Variants in ZNF385D observed in about 807,000 individuals in gnomAD.
ZNF385D encodes zinc finger protein 385D.
A neutral mutation model predicts 35.8 loss-of-function variants in ZNF385D; 15 were observed. The observed-to-expected ratio is 0.42, with a 90% CI of 0.28 to 0.64. The LOEUF is 0.64. Among genes scored for constraint, ZNF385D ranks in the 30% least tolerant of loss-of-function variants. The pLI is 0.23. For synonymous variants in ZNF385D, 212 were observed against 186.8 expected, an observed-to-expected ratio of 1.13 and a Z score of -1.10; for missense variants, 474 against 494.6, an observed-to-expected ratio of 0.96 and a Z score of 0.39.
chr3:21,980,391 G>C (rs962148645), intron 3 of ZNF385D, among the ~76,000 whole-genome samples: 19 of 152,136 alleles, frequency 1.2e-4, no homozygotes, highest in Admixed American at 3.3e-4. Flanking sequence ...ATTTTGGGGA[G>C]ATTTATTACA....
At chr3:21,733,208 C>T (rs566582866) in intron 1 of ZNF385D, among the ~76,000 whole-genome samples, 2 of 152,112 alleles carry the variant, frequency 1.3e-5, no homozygotes, top group South Asian at 4.2e-4. Context: ...TTACATCAGT[C>T]TATTTCTGAA....
intron 3 of ZNF385D, among the ~76,000 whole-genome samples, chr3:21,785,989 C>T (rs143987869): frequency 6.6e-6 from 1 of 151,394 alleles, no homozygotes; most frequent in Non-Finnish European, 1.5e-5. Flanking sequence ...AAGTGTGGAG[C>T]ATGTGACTTA....
chr3:21,762,103 TC>T (rs2070643332), intron 3 of ZNF385D, among the ~76,000 whole-genome samples: 1 of 152,034 alleles, frequency 6.6e-6, no homozygotes, highest in African/African-American at 2.4e-5. Flanking sequence ...GGTCTCGATC[TC>T]CTGACCTCGT....
rs1425052785 is a variant in ZNF385D at position 21,681,302 on chromosome 3, A to G, written c.23-16274T>C. ...TATGTGAATATATTCCATCAGTAAA[A>G]AAAAAAAAAAAAAAAAAAAAAACCT... On this transcript the variant is annotated intron_variant, in intron 1 of 7. Coordinates refer to ENST00000281523, the MANE Select transcript of ZNF385D (RefSeq NM_024697.3). Among the ~76,000 whole-genome samples the G allele has an allele frequency of 7.7e-4, 110 of 142,758 alleles. 1 individual carries two copies. Among genetic ancestry groups the G allele is most frequent in the African/African-American group, 2.9e-3 (104 of 35,682 alleles). The allele number at this position is 142,758 out of a possible 152,430, so 93.7% of individuals were successfully genotyped here.
At chr3:22,225,836 G>A (rs1698521217) in intron 2 of ZNF385D, among the ~76,000 whole-genome samples, 1 of 152,180 alleles carries the variant, frequency 6.6e-6, no homozygotes, top group Non-Finnish European at 1.5e-5. Context: ...TTATACAAAT[G>A]TGATCTTGTG....
At chr3:22,183,233 C>G (rs1390725115) in intron 2 of ZNF385D, among the ~76,000 whole-genome samples, 5 of 152,236 alleles carry the variant, frequency 3.3e-5, no homozygotes, top group Non-Finnish European at 1.5e-5. Context: ...TTATTTTTCA[C>G]AGTCATCTAA....
intron 3 of ZNF385D, among the ~76,000 whole-genome samples, chr3:21,947,383 G>T (rs988669493): frequency 4.0e-5 from 6 of 148,872 alleles, no homozygotes. Context: ...ACAGAGTCTC[G>T]CTCTGTCGCC....
chr3:21,504,979 CAT>C (rs1706663587), intron 4 of ZNF385D, among the ~76,000 whole-genome samples: 1 of 152,108 alleles, frequency 6.6e-6, no homozygotes, highest in African/African-American at 2.4e-5. Flanking sequence ...ATGTGAAAAA[CAT>C]AGATCTACAA....
chr3:21,471,510 C>T (rs956942893), intron 4 of ZNF385D, among the ~76,000 whole-genome samples: 4 of 152,054 alleles, frequency 2.6e-5, no homozygotes, highest in Non-Finnish European at 5.9e-5. Flanking sequence ...AAATAAGCAA[C>T]TCATTTCTCT....
rs1553648227 is a variant in ZNF385D at position 21,737,466 on chromosome 3, TAC to T, written c.22+13427_22+13428del. On this transcript the variant is annotated intron_variant, in intron 1 of 7. Transcript: ENST00000281523. ...TGTATAAACAAGAGGGGGATATATATACACACACACACACACACACACATACA... is the reference window on the plus strand; with the variant it reads ...TGTATAAACAAGAGGGGGATATATATACACACACACACACACACACATACA... 9.0e-3 allele frequency among the ~76,000 whole-genome samples: 1,338 copies of T among 149,104 alleles called. 24 individuals carry two copies. The highest frequency in any genetic ancestry group is 0.03 in the African/African-American group (1,234 of 40,652).
chr3:22,028,363 C>A (rs569479755), intron 3 of ZNF385D, among the ~76,000 whole-genome samples: 2 of 152,188 alleles, frequency 1.3e-5, no homozygotes, highest in African/African-American at 4.8e-5. Context: ...GCCATGGTGG[C>A]AGGGATGGAG....
At chr3:21,431,542 T>G (rs79209969) in intron 5 of ZNF385D, among the ~76,000 whole-genome samples, 2,643 of 152,270 alleles carry the variant, frequency 0.017, 24 homozygotes, top group Non-Finnish European at 0.027. Context: ...GAAATGGTAC[T>G]GGCAATTAAT....
intron 3 of ZNF385D, among the ~76,000 whole-genome samples, chr3:22,100,636 A>G (rs1435735561): frequency 3.5e-5 from 5 of 141,712 alleles, no homozygotes; most frequent in African/African-American, 1.3e-4. Flanking sequence ...TTGAACAATG[A>G]GAACACATGG....
At chr3:21,996,375 T>A (rs990904685) in intron 3 of ZNF385D, among the ~76,000 whole-genome samples, 1 of 152,134 alleles carries the variant, frequency 6.6e-6, no homozygotes, top group African/African-American at 2.4e-5. Flanking sequence ...CTGCTTTATT[T>A]CCTTCATTTT....
intron 3 of ZNF385D, among the ~76,000 whole-genome samples, chr3:21,857,369 A>T (rs538841491): frequency 7.2e-5 from 11 of 152,206 alleles, no homozygotes; most frequent in African/African-American, 2.6e-4. Context: ...TGCCTAGCAC[A>T]TAGTAAGTTG....
At chr3:21,935,509 C>G (rs907175293) in intron 3 of ZNF385D, among the ~76,000 whole-genome samples, 1 of 152,156 alleles carries the variant, frequency 6.6e-6, no homozygotes, top group Non-Finnish European at 1.5e-5. Context: ...ATGCTACAGC[C>G]TCAAAACCTG....
At chr3:21,528,755 A>G (rs1000992610) in intron 3 of ZNF385D, among the ~76,000 whole-genome samples, 2 of 152,210 alleles carry the variant, frequency 1.3e-5, no homozygotes, top group Non-Finnish European at 2.9e-5. Flanking sequence ...AAACTAACAA[A>G]TACATCTACT....
At chr3:21,764,338 A>G (rs2070741389) in intron 3 of ZNF385D, among the ~76,000 whole-genome samples, 1 of 152,150 alleles carries the variant, frequency 6.6e-6, no homozygotes, top group Non-Finnish European at 1.5e-5. Context: ...ATATTTGAAA[A>G]ACCACAAAGG....
intron 3 of ZNF385D, among the ~76,000 whole-genome samples, chr3:21,943,284 G>A (rs947630405): frequency 2.0e-5 from 3 of 151,658 alleles, no homozygotes; most frequent in Non-Finnish European, 4.4e-5. Context: ...ATGTGTGTGT[G>A]TGTGTGTATA....
Sources: allele counts gnomAD v4.1 joint callset (sites outside exome capture counted in the v4.1 genomes callset), GRCh38; gene constraint gnomAD v4.1.1; transcripts MANE v1.5; gene names NCBI Gene and HGNC (gene_info 2026-07-23, HGNC 2026-07-21).